The following CFAP221 variants were observed in gnomAD, a reference collection of about 807,000 sequenced individuals.
CFAP221 encodes the protein cilia and flagella associated protein 221.
Under a neutral mutation model 113.1 loss-of-function variants are expected in CFAP221, and 97 were observed. The observed-to-expected ratio is 0.86, with a 90% CI of 0.73 to 1.02. The LOEUF (loss-of-function observed/expected upper bound fraction) is 1.02. Ranked by LOEUF, CFAP221 falls within the 50% of genes least tolerant of loss-of-function variation. The pLI is 0.00. For missense variants in CFAP221, 1,025 were observed against 1,013.4 expected (o/e 1.01, Z -0.16); for synonymous variants, 331 against 354.4 (o/e 0.93, Z 0.74).
At chr2:119,606,615 A>G (rs1426573887) in intron 11 of CFAP221, among the ~76,000 whole-genome samples, 1 of 152,074 alleles carries the variant, frequency 6.6e-6, no homozygotes, top group African/African-American at 2.4e-5. Flanking sequence ...ATTGTAGGAA[A>G]CCTGAAAACA....
At position 119,604,786 on chromosome 2, in the gene CFAP221, G is replaced by A; in HGVS notation, c.906G>A (p.Lys302=). Residue 302 remains lysine (K), a synonymous_variant, in exon 9 of 24, where the codon AAG becomes AAA. Transcript: ENST00000413369. ...CGCCAGCGAAGCCGAAGCCTCAGAA[G>A]GTGAAGGTACGGTGGGCCTTGTCCT... ...HRPPAKPKPQ[K]VKEIEYQNLR... 6.4e-7 allele frequency: 1 copy of A among 1,555,808 alleles called. No individual in the cohort carries two copies. The highest frequency in any genetic ancestry group is 8.7e-7 in the Non-Finnish European group (1 of 1,153,732).
intron 3 of CFAP221, among the ~76,000 whole-genome samples, chr2:119,557,958 CAAAA>C (rs11286852): frequency 1.9e-5 from 2 of 104,018 alleles, no homozygotes; most frequent in Non-Finnish European, 2.0e-5. Flanking sequence ...GACTCCGTCT[CAAAA>C]AAAAAAAAAA....
intron 11 of CFAP221, among the ~76,000 whole-genome samples, chr2:119,605,989 G>A (rs953141527): frequency 1.3e-5 from 2 of 151,956 alleles, no homozygotes; most frequent in Non-Finnish European, 2.9e-5. Flanking sequence ...ACTGATAAAT[G>A]AACAAGCAAA....
chr2:119,600,753 C>G (rs1684309486), intron 7 of CFAP221, among the ~76,000 whole-genome samples: 1 of 152,128 alleles, frequency 6.6e-6, no homozygotes, highest in Non-Finnish European at 1.5e-5. Flanking sequence ...ACCGACTGTG[C>G]CTGCCTCTTC....
chr2:119,563,621 G>A (rs1374658807), intron 6 of CFAP221, among the ~76,000 whole-genome samples: 1 of 152,182 alleles, frequency 6.6e-6, no homozygotes, highest in Admixed American at 6.5e-5. Context: ...GACATCTGCA[G>A]GACCTGGTTC....
intron 3 of CFAP221, among the ~76,000 whole-genome samples, chr2:119,549,430 A>G (rs1680272257): frequency 2.0e-5 from 3 of 152,206 alleles, no homozygotes; most frequent in Non-Finnish European, 4.4e-5. Flanking sequence ...TGAGTGACTC[A>G]TAGGGGCCAG....
chr2:119,572,175 C>T (rs550783238), intron 6 of CFAP221, among the ~76,000 whole-genome samples: 1 of 152,338 alleles, frequency 6.6e-6, no homozygotes, highest in African/African-American at 2.4e-5. Flanking sequence ...CACCTATAAA[C>T]AACTTTGGTG....
chr2:119,582,671 G>A (rs1259800665), intron 6 of CFAP221, among the ~76,000 whole-genome samples: 1 of 152,086 alleles, frequency 6.6e-6, no homozygotes, highest in African/African-American at 2.4e-5. Context: ...GCCCAGGCTG[G>A]TCTTGAAGTC....
At chr2:119,635,480 C>G (rs954176746) in intron 19 of CFAP221, among the ~76,000 whole-genome samples, 2 of 151,854 alleles carry the variant, frequency 1.3e-5, no homozygotes, top group Admixed American at 6.6e-5. Flanking sequence ...TCTACAGAGA[C>G]AGAAAGATTG....
At chr2:119,652,613 C>G (rs1191207697) in intron 23 of CFAP221, among the ~76,000 whole-genome samples, 1 of 152,186 alleles carries the variant, frequency 6.6e-6, no homozygotes, top group Non-Finnish European at 1.5e-5. Context: ...CAGGGGCTAA[C>G]TAGCCAAGCA....
chr2:119,616,678 A>T (rs1685547760), intron 14 of CFAP221, among the ~76,000 whole-genome samples: 1 of 152,164 alleles, frequency 6.6e-6, no homozygotes, highest in Non-Finnish European at 1.5e-5. Flanking sequence ...CTGGTCTGCC[A>T]CACACATCGT....
chr2:119,622,322 A>C (rs1385645391), intron 14 of CFAP221, among the ~76,000 whole-genome samples: 1 of 152,216 alleles, frequency 6.6e-6, no homozygotes, highest in East Asian at 1.9e-4. Flanking sequence ...ATCAGGAAGA[A>C]GCCAAATCCC....
chr2:119,647,974 C>T lies in CFAP221; in HGVS notation c.2318+924C>T, dbSNP rs762678261. Among the ~76,000 whole-genome samples, 7 of 152,110 alleles carry T rather than the reference C, an allele frequency of 4.6e-5. No individual in the cohort carries two copies. In the East Asian group the frequency reaches 5.8e-4, roughly 13 times the overall value. ...GGTTCAACACCACCACCACCACCAC[C>T]GCCACTCACTCACAGTACACCTTGG... On this transcript the variant is annotated intron_variant, in intron 22 of 23. Transcript: ENST00000413369.
intron 6 of CFAP221, among the ~76,000 whole-genome samples, chr2:119,567,135 A>G (rs140524358): frequency 2.0e-5 from 3 of 152,336 alleles, no homozygotes; most frequent in African/African-American, 7.2e-5. Context: ...ACACATCATT[A>G]TCACCCAAAG....
At chr2:119,635,779 G>A (rs1687075345) in intron 19 of CFAP221, among the ~76,000 whole-genome samples, 1 of 152,170 alleles carries the variant, frequency 6.6e-6, no homozygotes, top group Admixed American at 6.5e-5. Flanking sequence ...GCATTATAGT[G>A]AAGTCTTGGG....
In CFAP221 at chr2:119,652,008, A is replaced by C. The variant is rs781687271; in HGVS notation, c.2353A>C (p.Thr785Pro). 20 of 1,613,196 alleles carry C rather than the reference A, an allele frequency of 1.2e-5. No individual in the cohort carries two copies. Among genetic ancestry groups the C allele is most frequent in the African/African-American group, 2.7e-5 (2 of 75,016 alleles). Residue 785 changes from threonine to proline, a missense_variant, in exon 23 of 24, where the codon ACT becomes CCT. Transcript: ENST00000413369. ...LCEQNVEVML[T>P]PEMIKVEFPM... ...TGAGCAGAATGTAGAAGTTATGTTG[A>C]CTCCAGAAATGATCAAAGTGGAATT...
intron 14 of CFAP221, among the ~76,000 whole-genome samples, chr2:119,619,126 G>T (rs1685717710): frequency 6.6e-6 from 1 of 152,190 alleles, no homozygotes; most frequent in South Asian, 2.1e-4. Flanking sequence ...CCCTGGGACA[G>T]AGCACCTGGG....
chr2:119,625,015 A>G (rs1192993510), intron 14 of CFAP221, among the ~76,000 whole-genome samples: 1 of 151,720 alleles, frequency 6.6e-6, no homozygotes, highest in Non-Finnish European at 1.5e-5. Flanking sequence ...AACTTACAGT[A>G]TATATTAAAA....
At chr2:119,601,901 C>T (rs779806099) in intron 8 of CFAP221, among the ~76,000 whole-genome samples, 107 of 152,220 alleles carry the variant, frequency 7.0e-4, no homozygotes, top group African/African-American at 2.2e-3. Context: ...TTGAAAAACA[C>T]GGGAGGTTTT....
Sources: allele counts gnomAD v4.1 joint callset (sites outside exome capture counted in the v4.1 genomes callset), GRCh38; gene constraint gnomAD v4.1.1; transcripts MANE v1.5; gene names NCBI Gene and HGNC (gene_info 2026-07-23, HGNC 2026-07-21).